Variants in VWF observed in about 807,000 individuals in gnomAD.
VWF encodes the protein Factor VIII related antigen.
Under a neutral mutation model 308.6 loss-of-function variants are expected in VWF, and 176 were observed. The ratio of observed to expected loss-of-function variants is 0.57; its 90% CI spans 0.50 to 0.65. The LOEUF is 0.65. VWF is among the 30% of genes least tolerant of loss of function. VWF has a pLI of 0.00. For missense variants in VWF, 3,146 were observed against 3,648.2 expected, an observed-to-expected ratio of 0.86 and a Z score of 3.55; for synonymous variants, 1,385 against 1,443.4, an observed-to-expected ratio of 0.96 and a Z score of 0.92.
At chr12:5,979,295 T>A (rs978123214) in intron 42 of VWF, among the ~76,000 whole-genome samples, 14 of 152,214 alleles carry the variant, frequency 9.2e-5, no homozygotes, top group African/African-American at 3.4e-4. Flanking sequence ...ATCAGTATGA[T>A]AGAAGTAGAG....
chr12:6,094,333 T>A (rs569130639), intron 6 of VWF, among the ~76,000 whole-genome samples: 2 of 152,226 alleles, frequency 1.3e-5, no homozygotes, highest in Non-Finnish European at 2.9e-5. Context: ...CCCTTCAGTG[T>A]CTGCAACTAT....
chr12:6,008,536 C>T (rs1943956506), intron 34 of VWF, among the ~76,000 whole-genome samples: 1 of 152,166 alleles, frequency 6.6e-6, no homozygotes. Context: ...AAAATAAAGG[C>T]CATTAATGAA....
intron 45 of VWF, among the ~76,000 whole-genome samples, chr12:5,968,772 C>T (rs1320759690): frequency 6.6e-6 from 1 of 152,172 alleles, no homozygotes; most frequent in Non-Finnish European, 1.5e-5. Flanking sequence ...TCTAGCCTAT[C>T]CAGAGATAGC....
chr12:5,979,188 C>T (rs1359542614), intron 42 of VWF, among the ~76,000 whole-genome samples: 2 of 152,214 alleles, frequency 1.3e-5, no homozygotes, highest in African/African-American at 4.8e-5. Context: ...AAATCAAGCA[C>T]TTATTCTACT....
At chr12:6,114,383 C>T (rs1251546450) in intron 3 of VWF, among the ~76,000 whole-genome samples, 1 of 152,194 alleles carries the variant, frequency 6.6e-6, no homozygotes, top group African/African-American at 2.4e-5. Flanking sequence ...GCGGGTGCCA[C>T]AGGGGAGCCC....
At position 6,057,025 on chromosome 12, in the gene VWF, C is replaced by G; in HGVS notation, c.1777G>C (p.Glu593Gln). The G allele has an allele frequency of 6.5e-7, 1 of 1,550,156 alleles. No homozygotes were observed. The highest frequency in any genetic ancestry group is 1.4e-5 in the African/African-American group (1 of 73,850). Residue 593 changes from glutamate to glutamine, a missense_variant, in exon 15 of 52, where the codon GAG becomes CAG. By Grantham distance (29) the Glu-to-Gln change is conservative (BLOSUM62 2). Around this residue, in one of 3 missense-constraint regions of VWF, gnomAD observed 1,304 missense variants for 1,353.0 expected, o/e 0.96. Transcript: ENST00000261405. ...GGGCTGACGGCACGATGGCAGGCCTCGAATGTGGGGGACGTCAGGACCGCG... is the reference window on the plus strand; with the variant it reads ...GGGCTGACGGCACGATGGCAGGCCTGGAATGTGGGGGACGTCAGGACCGCG... Reference protein sequence around the residue: ...ACAVLTSPTFEACHRAVSPLP... With the variant: ...ACAVLTSPTFQACHRAVSPLP...
At chr12:6,044,759 C>G (rs1024900155) in intron 17 of VWF, among the ~76,000 whole-genome samples, 20 of 152,140 alleles carry the variant, frequency 1.3e-4, no homozygotes, top group Admixed American at 9.8e-4. Context: ...GGATGCATTG[C>G]AGAAATTTCC....
At chr12:6,001,415 G>C (rs1291581079) in intron 34 of VWF, among the ~76,000 whole-genome samples, 6 of 152,108 alleles carry the variant, frequency 3.9e-5, no homozygotes, top group Admixed American at 1.3e-4. Flanking sequence ...CTAAAGTAAA[G>C]GGACAGACAA....
intron 5 of VWF, among the ~76,000 whole-genome samples, chr12:6,099,933 A>G (rs1945143065): frequency 6.6e-6 from 1 of 151,674 alleles, no homozygotes; most frequent in Non-Finnish European, 1.5e-5. Context: ...AGCAAAAGAA[A>G]CTACCATCAG....
At chr12:6,079,833 C>T (rs1458353471) in intron 6 of VWF, among the ~76,000 whole-genome samples, 1 of 152,136 alleles carries the variant, frequency 6.6e-6, no homozygotes, top group African/African-American at 2.4e-5. Context: ...CATTAGGACA[C>T]AGCAAAGCCA....
chr12:6,065,871 C>T (rs1393725467), intron 10 of VWF, among the ~76,000 whole-genome samples: 1 of 152,198 alleles, frequency 6.6e-6, no homozygotes, highest in Non-Finnish European at 1.5e-5. Context: ...GGACTCCATC[C>T]TCCTCACCAG....
chr12:6,050,800 C>T (rs1167535887), intron 16 of VWF, among the ~76,000 whole-genome samples: 1 of 151,980 alleles, frequency 6.6e-6, no homozygotes, highest in Non-Finnish European at 1.5e-5. Flanking sequence ...TACTAAAATA[C>T]AAAAATTAGC....
intron 25 of VWF, among the ~76,000 whole-genome samples, chr12:6,023,312 A>C (rs561423106): frequency 8.5e-5 from 13 of 152,330 alleles, no homozygotes; most frequent in Non-Finnish European, 1.2e-4. Context: ...TCATATTGGC[A>C]AATATAATCA....
chr12:6,017,498 C>T (rs1252015161), intron 28 of VWF, among the ~76,000 whole-genome samples: 1 of 152,132 alleles, frequency 6.6e-6, no homozygotes, highest in East Asian at 1.9e-4. Flanking sequence ...TCAAAAGATA[C>T]TAAAAGAAGG....
chr12:5,990,868 TAAAAAA>T (rs755717764), intron 38 of VWF, among the ~76,000 whole-genome samples: 2 of 31,456 alleles, frequency 6.4e-5, no homozygotes, highest in Admixed American at 5.0e-4. Context: ...CCCATAGAGC[TAAAAAA>T]AAAAAAAAAA....
intron 42 of VWF, among the ~76,000 whole-genome samples, chr12:5,978,225 T>A (rs1591839690): frequency 6.6e-6 from 1 of 150,506 alleles, no homozygotes; most frequent in East Asian, 1.9e-4. Context: ...CCAATGAGGT[T>A]TTTTTTTTAG....
intron 24 of VWF, 39 bp from the exon 25 acceptor site, chr12:6,023,826 G>T: frequency 6.2e-7 from 1 of 1,607,200 alleles, no homozygotes; most frequent in Non-Finnish European, 8.5e-7. Context: ...CCTATGGCCA[G>T]GTGTCAGGAA....
intron 5 of VWF, among the ~76,000 whole-genome samples, chr12:6,107,499 T>C (rs896568664): frequency 2.6e-5 from 4 of 152,004 alleles, no homozygotes; most frequent in Non-Finnish European, 4.4e-5. Flanking sequence ...CAAAATCACA[T>C]AGAAAGGTTG....
intron 37 of VWF, among the ~76,000 whole-genome samples, chr12:5,993,523 A>T (rs1943767167): frequency 6.6e-6 from 1 of 152,138 alleles, no homozygotes; most frequent in Admixed American, 6.5e-5. Context: ...TGTCTAACAC[A>T]TTAAAATCGC....
Sources: allele counts gnomAD v4.1 joint callset (sites outside exome capture counted in the v4.1 genomes callset), GRCh38; gene constraint gnomAD v4.1.1; regional missense constraint gnomAD v4.1.1; transcripts MANE v1.5; gene names NCBI Gene and HGNC (gene_info 2026-07-23, HGNC 2026-07-21).